The following ZNF558 variants were observed in gnomAD, a reference collection of about 807,000 sequenced individuals.
The protein encoded by ZNF558 is zinc finger protein 558.
In ZNF558, 23 loss-of-function variants were observed where a neutral mutation model predicts 37.6. The observed-to-expected ratio is 0.61, with a 90% CI of 0.44 to 0.87. The LOEUF is 0.87. Ranked by LOEUF, ZNF558 falls within the 40% of genes least tolerant of loss-of-function variation. The pLI is 0.00. For missense variants in ZNF558, 429 were observed against 483.7 expected (o/e 0.89, Z 1.06); for synonymous variants, 189 against 174.4 (o/e 1.08, Z -0.66).
chr19:8,831,624 A>T (rs1354640212), intron 1 of ZNF558, among the ~76,000 whole-genome samples: 4 of 152,228 alleles, frequency 2.6e-5, no homozygotes, highest in African/African-American at 9.6e-5. Context: ...CGCTGTGTGC[A>T]TTTGACTTGC....
chr19:8,810,184 T>TG lies in ZNF558; in HGVS notation c.*1096dup, dbSNP rs1413579478. ...GCTCTCCAATATTGATGATGTTCAATGGGGCATTCTCTCCAGAATTAATTC... is the reference window on the plus strand; with the variant it reads ...GCTCTCCAATATTGATGATGTTCAATGGGGGCATTCTCTCCAGAATTAATTC... On this transcript the variant is annotated 3_prime_UTR_variant, in exon 10 of 10. Coordinates refer to ENST00000601372, the MANE Select transcript of ZNF558 (RefSeq NM_144693.3). 1.3e-5 allele frequency: 2 copies of TG among 152,220 alleles called. No individual in the cohort carries two copies. Among genetic ancestry groups the TG allele is most frequent in the Non-Finnish European group, 1.5e-5 (1 of 68,032 alleles). 9.4% of individuals were successfully genotyped at this position (152,220 alleles called of 1,614,324 possible).
At chr19:8,834,520 A>G (rs1221448828), upstream of ZNF558, among the ~76,000 whole-genome samples, 1 of 151,718 alleles carries the variant, frequency 6.6e-6, no homozygotes, top group South Asian at 2.1e-4. Context: ...AGGCAGAAGA[A>G]TCGTTTGAAC....
chr19:8,816,043 G>C (rs1358820785), intron 7 of ZNF558, among the ~76,000 whole-genome samples: 4 of 127,258 alleles, frequency 3.1e-5, no homozygotes, highest in African/African-American at 8.7e-5. Flanking sequence ...AAAAAATAGA[G>C]ATTCATACTG....
At position 8,822,261 on chromosome 19, in the gene ZNF558, A is replaced by T. The variant is rs1401340502; in HGVS notation, c.32-170T>A. Among the ~76,000 whole-genome samples, 1 of 152,158 alleles carries T rather than the reference A, an allele frequency of 6.6e-6. No homozygotes were observed. The highest frequency in any genetic ancestry group is 1.5e-5 in the Non-Finnish European group (1 of 68,028). On this transcript the variant is annotated intron_variant, in intron 5 of 9. Transcript: ENST00000601372. The surrounding 1 kb of genome is among the most constrained non-coding windows in gnomAD (Gnocchi z 4.4). ...CAGCTCTCCTAAGATACCCAAACAC[A>T]GCCCTGTCTCACCAACCAAAGACAA...
In ZNF558 at chr19:8,822,792, T is replaced by C; in HGVS notation, c.-65-68A>G. ...CTCTCGGGCTGCTGGGGATGGGCCC[T>C]CCTCAACCCATCCTTCCCATCCTTC... On this transcript the variant is annotated intron_variant, in intron 4 of 9. Transcript: ENST00000601372. This position sits in a 1 kb window ranked among gnomAD's most constrained non-coding sequence, Gnocchi z 4.4. The C allele has an allele frequency of 9.7e-6, 13 of 1,335,614 alleles. No individual in the cohort carries two copies. The highest frequency in any genetic ancestry group is 1.4e-5 in the Non-Finnish European group (13 of 947,252). The allele number at this position is 1,335,614 out of a possible 1,614,324, so 82.7% of individuals were successfully genotyped here.
chr19:8,826,058 T>G (rs1245319243), intron 2 of ZNF558, among the ~76,000 whole-genome samples: 1 of 152,060 alleles, frequency 6.6e-6, no homozygotes, highest in Non-Finnish European at 1.5e-5. Context: ...ACAGAGAGAC[T>G]GGAAGATGCT....
In ZNF558 at chr19:8,807,678, A is replaced by G. The variant is rs1555766447; in HGVS notation, c.*3603T>C. ...CTCCGCTCAAATGCTCCTTACCAAGAGGCTTTCTTTTCCTAGTTATATAAA... is the reference window on the plus strand; with the variant it reads ...CTCCGCTCAAATGCTCCTTACCAAGGGGCTTTCTTTTCCTAGTTATATAAA... On this transcript the variant is annotated 3_prime_UTR_variant, in exon 10 of 10. Coordinates refer to ENST00000601372, the MANE Select transcript of ZNF558 (RefSeq NM_144693.3). 1 of 152,144 alleles carries G rather than the reference A, an allele frequency of 6.6e-6. No individual in the cohort carries two copies. 9.4% of individuals were successfully genotyped at this position (152,144 alleles called of 1,614,324 possible).
intron 1 of ZNF558, among the ~76,000 whole-genome samples, chr19:8,831,603 A>G (rs1474512751): frequency 6.6e-6 from 1 of 152,232 alleles, no homozygotes; most frequent in Non-Finnish European, 1.5e-5. Flanking sequence ...AGAGGGGAGA[A>G]AGCAGCTTAA....
Position 8,811,852 on chromosome 19 carries a change from C to T in ZNF558, c.638G>A (p.Cys213Tyr). 1 of 1,614,106 alleles carries T rather than the reference C, an allele frequency of 6.2e-7. No individual in the cohort carries two copies. Among genetic ancestry groups the T allele is most frequent in the Non-Finnish European group, 8.5e-7 (1 of 1,179,982 alleles). ...TGAGGGATCACTAAATGCTTTCCCA[C>T]AGTGATTGCATTCATAGGGTTTCTC... ...NGEKPYECNH[C>Y]GKAFSDPSSL... Residue 213 changes from cysteine to tyrosine, a missense_variant, in exon 10 of 10, where the codon TGT becomes TAT. Cys to Tyr is a radical substitution (Grantham distance 194). Transcript: ENST00000601372.
In ZNF558 at chr19:8,822,859, G is replaced by T; in HGVS notation, c.-65-135C>A. The T allele has an allele frequency of 1.3e-6, 1 of 769,120 alleles. No individual in the cohort carries two copies. The highest frequency in any genetic ancestry group is 2.1e-6 in the Non-Finnish European group (1 of 482,928). 47.6% of individuals were successfully genotyped at this position (769,120 alleles called of 1,614,324 possible). A position where few individuals can be genotyped will look rare whatever the true frequency, so the allele number is the denominator to read the frequency against. ...GGCTTCCACACTGGGCCTTTATTTT[G>T]CTGAGCAGGCAATGAATTCAGGGCC... On this transcript the variant is annotated intron_variant, in intron 4 of 9. Coordinates refer to ENST00000601372, the MANE Select transcript of ZNF558 (RefSeq NM_144693.3). The surrounding 1 kb of genome is among the most constrained non-coding windows in gnomAD (Gnocchi z 4.4).
At chr19:8,838,015 G>A in the ZNF558 span, among the ~76,000 whole-genome samples, 4 of 151,788 alleles carry the variant, frequency 2.6e-5, no homozygotes, top group African/African-American at 9.7e-5. Context: ...TTGGGAGGCC[G>A]AGGCGGGCGG....
chr19:8,831,704 G>A (rs1355632382), intron 1 of ZNF558, among the ~76,000 whole-genome samples: 1 of 152,174 alleles, frequency 6.6e-6, no homozygotes, highest in African/African-American at 2.4e-5. Context: ...GTCACTTAGA[G>A]GCCCTATTAA....
chr19:8,837,915 T>G, the ZNF558 span, among the ~76,000 whole-genome samples: 1 of 151,950 alleles, frequency 6.6e-6, no homozygotes, highest in South Asian at 2.1e-4. Context: ...CAGAGTTCCT[T>G]ATACACAGGA....
rs368454399 is a variant in ZNF558 at position 8,822,721 on chromosome 19, C to T, written c.-62G>A. The stretch of plus-strand genomic sequence containing the variant: ...AGGACGCTCCTCCTTTATCCCGCAG[C>T]GCTCTGGAAGAAACGGGAATGCTCC... On this transcript the variant is annotated 5_prime_UTR_variant, in exon 5 of 10. Coordinates refer to ENST00000601372, the MANE Select transcript of ZNF558 (RefSeq NM_144693.3). This position sits in a 1 kb window ranked among gnomAD's most constrained non-coding sequence, Gnocchi z 4.4. 404 of 1,613,272 alleles carry T rather than the reference C, an allele frequency of 2.5e-4. No homozygotes were observed. Among genetic ancestry groups the T allele is most frequent in the Middle Eastern group, 1.7e-3 (10 of 6,060 alleles).
Position 8,822,849 on chromosome 19 carries a change from C to A in ZNF558, c.-65-125G>T, listed in dbSNP as rs927193779. The A allele has an allele frequency of 2.4e-6, 2 of 845,840 alleles. No homozygotes were observed. Among genetic ancestry groups the A allele is most frequent in the Admixed American group, 5.0e-5 (2 of 39,902 alleles). 52.4% of individuals were successfully genotyped at this position (845,840 alleles called of 1,614,324 possible). On this transcript the variant is annotated intron_variant, in intron 4 of 9. Coordinates refer to ENST00000601372, the MANE Select transcript of ZNF558 (RefSeq NM_144693.3). This position sits in a 1 kb window ranked among gnomAD's most constrained non-coding sequence, Gnocchi z 4.4. Reference sequence around the variant, plus strand: ...TGCAAGTTCCGGCTTCCACACTGGGCCTTTATTTTGCTGAGCAGGCAATGA... The same window carrying A: ...TGCAAGTTCCGGCTTCCACACTGGGACTTTATTTTGCTGAGCAGGCAATGA...
intron 7 of ZNF558, among the ~76,000 whole-genome samples, chr19:8,820,309 G>A (rs571241640): frequency 3.3e-5 from 5 of 152,156 alleles, no homozygotes; most frequent in Middle Eastern, 3.4e-3. Flanking sequence ...ACAAAAGCTC[G>A]TACACAAAAA....
At chr19:8,814,022 G>T (rs1322218057) in intron 7 of ZNF558, among the ~76,000 whole-genome samples, 3 of 152,170 alleles carry the variant, frequency 2.0e-5, no homozygotes, top group African/African-American at 7.2e-5. Context: ...AATTCCAAAC[G>T]TTCATCCCTC....
intron 7 of ZNF558, among the ~76,000 whole-genome samples, chr19:8,816,948 C>T (rs2043954636): frequency 6.6e-6 from 1 of 151,980 alleles, no homozygotes; most frequent in Non-Finnish European, 1.5e-5. Flanking sequence ...AACTAAGTTG[C>T]TATTAAACTA....
chr19:8,833,888 T>C (rs1222299845), upstream of ZNF558, among the ~76,000 whole-genome samples: 1 of 152,054 alleles, frequency 6.6e-6, no homozygotes, highest in East Asian at 1.9e-4. Flanking sequence ...CTTGGGAGGC[T>C]GAGGCAGGAG....
Sources: allele counts gnomAD v4.1 joint callset (sites outside exome capture counted in the v4.1 genomes callset), GRCh38; gene constraint gnomAD v4.1.1; non-coding constraint Gnocchi (gnomAD v3.1); transcripts MANE v1.5; gene names NCBI Gene and HGNC (gene_info 2026-07-23, HGNC 2026-07-21).